The following TAFA5 variants were observed in gnomAD, a reference collection of about 807,000 sequenced individuals.
TAFA5 encodes chemokine-like protein TAFA-5.
A neutral mutation model predicts 15.3 loss-of-function variants in TAFA5; 6 were observed. The ratio of observed to expected loss-of-function variants is 0.39; its 90% confidence interval spans 0.21 to 0.77. The LOEUF is 0.77. Among genes scored for constraint, TAFA5 ranks in the 30% least tolerant of loss-of-function variants. The probability of loss-of-function intolerance (pLI) is 0.41; values close to 1 mark genes in which losing one functional copy is unlikely to be tolerated. For synonymous variants in TAFA5, 103 were observed against 80.7 expected, an observed-to-expected ratio of 1.28 and a Z score of -1.48; for missense variants, 161 against 193.1, an observed-to-expected ratio of 0.83 and a Z score of 0.98.
At chr22:48,666,583 A>G (rs16999681) in intron 2 of TAFA5, among the ~76,000 whole-genome samples, 2,087 of 74,778 alleles carry the variant, frequency 0.028, 46 homozygotes, top group East Asian at 0.2. Context: ...TGACCTGGTG[A>G]TACTGAGTGA....
intron 2 of TAFA5, among the ~76,000 whole-genome samples, chr22:48,690,631 C>T (rs2147237600): frequency 6.6e-6 from 1 of 152,296 alleles, no homozygotes; most frequent in South Asian, 2.1e-4. Context: ...TAAACCTCAT[C>T]TCTTCTAGGG....
Position 48,560,030 on chromosome 22 carries a change from T to C in TAFA5, c.112+70326T>C, listed in dbSNP as rs373966537. 3.3e-5 allele frequency among the ~76,000 whole-genome samples: 5 copies of C among 152,276 alleles called. No homozygotes were observed. Among genetic ancestry groups the C allele is most frequent in the African/African-American group, 1.2e-4 (5 of 41,558 alleles). The stretch of plus-strand genomic sequence containing the variant: ...GGGCAGGAGTGACTGCAGGGTCTTC[T>C]TTCTATGCACACGCCGGCCATCCTC... On this transcript the variant is annotated intron_variant, in intron 1 of 3. Transcript: ENST00000402357. The surrounding 1 kb of genome is among the most constrained non-coding windows in gnomAD (Gnocchi z 4.2).
At chr22:48,703,148 A>G (rs896876012) in intron 2 of TAFA5, among the ~76,000 whole-genome samples, 5 of 152,066 alleles carry the variant, frequency 3.3e-5, no homozygotes, top group African/African-American at 1.2e-4. Context: ...GTAAATGGGC[A>G]TGTGTGTGCC....
At chr22:48,596,671 C>A (rs1454797303) in intron 1 of TAFA5, among the ~76,000 whole-genome samples, 4 of 152,174 alleles carry the variant, frequency 2.6e-5, no homozygotes, top group Admixed American at 6.5e-5. Flanking sequence ...CCATGGTTCA[C>A]ACCAGCGCTC....
chr22:48,562,429 C>G (rs997960353), intron 1 of TAFA5, among the ~76,000 whole-genome samples: 1 of 152,204 alleles, frequency 6.6e-6, no homozygotes, highest in African/African-American at 2.4e-5. Flanking sequence ...TGAGCCACCG[C>G]GCCCGGCCCC....
At chr22:48,650,702 G>C (rs1360290213) in intron 2 of TAFA5, among the ~76,000 whole-genome samples, 1 of 152,138 alleles carries the variant, frequency 6.6e-6, no homozygotes, top group African/African-American at 2.4e-5. Context: ...GCACCTGCAT[G>C]CGAGATCCAA....
At chr22:48,548,467 G>A (rs1405949251) in intron 1 of TAFA5, among the ~76,000 whole-genome samples, 1 of 152,246 alleles carries the variant, frequency 6.6e-6, no homozygotes, top group Non-Finnish European at 1.5e-5. Context: ...GGGCCTCACA[G>A]TGCTGTTCGG....
intron 1 of TAFA5, among the ~76,000 whole-genome samples, chr22:48,513,156 C>G (rs976097092): frequency 1.3e-5 from 2 of 152,034 alleles, no homozygotes; most frequent in African/African-American, 4.8e-5. Flanking sequence ...TTGGGACCCT[C>G]GGTAACCCTA....
intron 1 of TAFA5, among the ~76,000 whole-genome samples, chr22:48,580,089 C>T (rs925914420): frequency 1.3e-5 from 2 of 152,210 alleles, no homozygotes; most frequent in African/African-American, 2.4e-5. Context: ...GCCTCGATTC[C>T]AGAAGCGCTT....
chr22:48,599,305 A>G (rs1195495406), intron 1 of TAFA5, among the ~76,000 whole-genome samples: 1 of 152,178 alleles, frequency 6.6e-6, no homozygotes, highest in African/African-American at 2.4e-5. Context: ...CCTGGCCTTC[A>G]GTCCGCTCCG....
intron 2 of TAFA5, among the ~76,000 whole-genome samples, chr22:48,661,009 C>T (rs1927419920): frequency 6.6e-6 from 1 of 152,168 alleles, no homozygotes; most frequent in African/African-American, 2.4e-5. Context: ...AGTCAGAGCT[C>T]ATTCATTCCA....
At chr22:48,587,401 C>A (rs1447066474) in intron 1 of TAFA5, among the ~76,000 whole-genome samples, 1 of 152,130 alleles carries the variant, frequency 6.6e-6, no homozygotes, top group Non-Finnish European at 1.5e-5. Flanking sequence ...GAGCTGCTGC[C>A]CTTGCGTGGA....
intron 1 of TAFA5, among the ~76,000 whole-genome samples, chr22:48,581,766 A>T (rs1924053079): frequency 6.6e-6 from 1 of 152,190 alleles, no homozygotes; most frequent in Admixed American, 6.5e-5. Context: ...TGATCTTCTT[A>T]AACATAAACT....
intron 1 of TAFA5, among the ~76,000 whole-genome samples, chr22:48,584,903 C>T (rs1478222463): frequency 6.8e-6 from 1 of 147,796 alleles, no homozygotes; most frequent in African/African-American, 2.5e-5. Context: ...ATACATCTCA[C>T]ACACACACAC....
At chr22:48,500,089 C>T (rs1920944117) in intron 1 of TAFA5, among the ~76,000 whole-genome samples, 1 of 152,128 alleles carries the variant, frequency 6.6e-6, no homozygotes, top group Admixed American at 6.5e-5. Flanking sequence ...GGCTTTTCCT[C>T]TTTGGGCCTC....
chr22:48,558,283 G>A (rs180841966), intron 1 of TAFA5, among the ~76,000 whole-genome samples: 3 of 152,242 alleles, frequency 2.0e-5, no homozygotes, highest in East Asian at 1.9e-4. Context: ...GCTTTTCCTC[G>A]GCACACACTC....
At chr22:48,661,554 G>T (rs906381095) in intron 2 of TAFA5, among the ~76,000 whole-genome samples, 1 of 152,220 alleles carries the variant, frequency 6.6e-6, no homozygotes, top group Non-Finnish European at 1.5e-5. Context: ...TGGGTTCAGA[G>T]CCTGCTGGAC....
intron 3 of TAFA5, among the ~76,000 whole-genome samples, chr22:48,708,467 C>T (rs543410318): frequency 1.1e-4 from 16 of 152,298 alleles, no homozygotes; most frequent in African/African-American, 2.6e-4. Context: ...TGGGGAACGC[C>T]GGGTGGACAT....
Position 48,663,103 on chromosome 22 carries a change from G to GT in TAFA5, c.262+16357_262+16358insT, listed in dbSNP as rs1555897241. ...TGGATGAGCAGGGTGCTGGGCCCCT[G>GT]GGTGTCTTAGCTGCGGTTTTCTTTG... On this transcript the variant is annotated intron_variant, in intron 2 of 3. Coordinates refer to ENST00000402357, the MANE Select transcript of TAFA5 (RefSeq NM_001082967.3). 2.6e-5 allele frequency among the ~76,000 whole-genome samples: 4 copies of GT among 151,782 alleles called. No homozygotes were observed. The South Asian group carries it at 6.3e-4, about 24-fold the overall frequency.
Sources: gnomAD v4.1 joint callset for allele counts (sites outside exome capture counted in the v4.1 genomes callset) on GRCh38, gnomAD v4.1.1 for gene constraint, Gnocchi (gnomAD v3.1) non-coding constraint, MANE v1.5 for transcripts, NCBI Gene and HGNC (gene_info 2026-07-23, HGNC 2026-07-21) for gene names.